DCDC1: variants seen among roughly 807,000 people sequenced by gnomAD.
DCDC1 encodes doublecortin domain-containing protein 1.
A neutral mutation model predicts 178.3 loss-of-function variants in DCDC1; 200 were observed. The ratio of observed to expected loss-of-function variants is 1.12; its 90% CI spans 1.00 to 1.26. The LOEUF is 1.26. Ranked by LOEUF, DCDC1 falls within the 50% of genes most tolerant of loss-of-function variation. DCDC1 has a pLI of 0.00. For synonymous variants in DCDC1, 690 were observed against 604.8 expected (o/e 1.14, Z -2.07); for missense variants, 1,983 against 1,749.2 (o/e 1.13, Z -2.38).
rs893943315 is a variant in DCDC1, at chr11:30,924,968, G to C, written c.2997+341C>G. Among the ~76,000 whole-genome samples, 7 of 152,116 alleles carry C rather than the reference G, an allele frequency of 4.6e-5. No homozygotes were observed. In the East Asian group the frequency reaches 1.4e-3, roughly 29 times the overall value. Reference sequence around the variant, plus strand: ...CATGCCTATAATCCCAGCTACTCTGGAGGCTGAGGTGGAAGAATTGCTTGA... The same window carrying C: ...CATGCCTATAATCCCAGCTACTCTGCAGGCTGAGGTGGAAGAATTGCTTGA... On this transcript the variant is annotated intron_variant, in intron 23 of 38. Coordinates refer to ENST00000684477, the MANE Select transcript of DCDC1 (RefSeq NM_001387274.1).
At chr11:31,164,479 G>C (rs1591278528) in intron 9 of DCDC1, among the ~76,000 whole-genome samples, 1 of 152,108 alleles carries the variant, frequency 6.6e-6, no homozygotes, top group African/African-American at 2.4e-5. Flanking sequence ...GTGGAAGACA[G>C]TGTTATTGAT....
At position 31,271,067 on chromosome 11, in the gene DCDC1, T is replaced by C. The variant is rs560394445; in HGVS notation, c.961-5467A>G. On this transcript the variant is annotated intron_variant, in intron 7 of 38. Coordinates refer to ENST00000684477, the MANE Select transcript of DCDC1 (RefSeq NM_001387274.1). ...ACTTTCCACAGAGTATTTCCAACCATCTCTAATCTGCTTACCTCTACCTAG... is the reference window on the plus strand; with the variant it reads ...ACTTTCCACAGAGTATTTCCAACCACCTCTAATCTGCTTACCTCTACCTAG... Among the ~76,000 whole-genome samples, 6 of 152,286 alleles carry C rather than the reference T, an allele frequency of 3.9e-5. No homozygotes were observed. The East Asian group carries it at 7.7e-4, about 20-fold the overall frequency.
intron 36 of DCDC1, among the ~76,000 whole-genome samples, chr11:30,884,134 G>C (rs997402927): frequency 5.5e-5 from 8 of 145,820 alleles, no homozygotes; most frequent in African/African-American, 2.1e-4. Context: ...CCTAGGCTCA[G>C]GTGATCCTTC....
At chr11:31,324,235 G>C (rs1164370243) in intron 3 of DCDC1, among the ~76,000 whole-genome samples, 1 of 151,276 alleles carries the variant, frequency 6.6e-6, no homozygotes. Flanking sequence ...AACTTCTAAA[G>C]AAGAAGAACA....
At chr11:31,120,907 T>G (rs1960697488) in intron 11 of DCDC1, among the ~76,000 whole-genome samples, 1 of 152,088 alleles carries the variant, frequency 6.6e-6, no homozygotes, top group African/African-American at 2.4e-5. Flanking sequence ...ATTGCTGACA[T>G]TTCCATGGGG....
intron 20 of DCDC1, among the ~76,000 whole-genome samples, chr11:31,032,291 G>A (rs1279765590): frequency 6.6e-6 from 1 of 152,114 alleles, no homozygotes; most frequent in Non-Finnish European, 1.5e-5. Context: ...TGAACAATTA[G>A]TTTCCATCAA....
intron 9 of DCDC1, among the ~76,000 whole-genome samples, chr11:31,217,239 T>G (rs1973700776): frequency 6.6e-6 from 1 of 152,194 alleles, no homozygotes; most frequent in African/African-American, 2.4e-5. Context: ...GTCTTTACTT[T>G]TGGTCTGTGC....
intron 9 of DCDC1, among the ~76,000 whole-genome samples, chr11:31,233,087 CA>C (rs145908518): frequency 0.26 from 32,365 of 122,534 alleles, 3,405 homozygotes; most frequent in East Asian, 0.33. Context: ...GACTTCATCT[CA>C]AAAAAAAAAA....
intron 9 of DCDC1, among the ~76,000 whole-genome samples, chr11:31,193,521 G>T (rs1970360718): frequency 6.6e-6 from 1 of 151,948 alleles, no homozygotes; most frequent in Non-Finnish European, 1.5e-5. Flanking sequence ...AAACACTTTT[G>T]GTCCCACTTC....
intron 8 of DCDC1, among the ~76,000 whole-genome samples, chr11:31,261,521 C>A (rs1428320959): frequency 6.6e-6 from 1 of 152,020 alleles, no homozygotes; most frequent in African/African-American, 2.4e-5. Flanking sequence ...AAAAATAATA[C>A]AAGTTTAAAA....
chr11:31,346,404 C>A (rs370326431), intron 1 of DCDC1, among the ~76,000 whole-genome samples: 1 of 136,906 alleles, frequency 7.3e-6, no homozygotes, highest in African/African-American at 2.8e-5. Flanking sequence ...GCGGAGATTG[C>A]GGTGAGCCAA....
intron 6 of DCDC1, among the ~76,000 whole-genome samples, chr11:31,297,502 T>G (rs757353051): frequency 3.3e-5 from 5 of 152,010 alleles, no homozygotes; most frequent in Non-Finnish European, 5.9e-5. Context: ...CGCACTACCG[T>G]GCCTGGCTAA....
At chr11:30,903,805 C>T (rs1285723777) in intron 31 of DCDC1, 122 bp from the exon 32 acceptor site, 2 of 877,614 alleles carry the variant, frequency 2.3e-6, no homozygotes, top group East Asian at 2.9e-5. Context: ...AAATAGAAAG[C>T]TGAATTACTA....
At chr11:30,960,181 A>G (rs1420700750) in intron 20 of DCDC1, among the ~76,000 whole-genome samples, 1 of 152,162 alleles carries the variant, frequency 6.6e-6, no homozygotes, top group African/African-American at 2.4e-5. Flanking sequence ...TAAATATATA[A>G]TAGAACAACT....
intron 7 of DCDC1, chr11:31,281,043 A>G (rs1946389041): frequency 2.0e-6 from 1 of 498,468 alleles, no homozygotes; most frequent in Non-Finnish European, 3.9e-6. Context: ...TAGACGTCCC[A>G]TTCTCCTTAA....
intron 1 of DCDC1, among the ~76,000 whole-genome samples, chr11:31,365,162 C>T (rs893114375): frequency 6.6e-6 from 1 of 152,056 alleles, no homozygotes; most frequent in Non-Finnish European, 1.5e-5. Flanking sequence ...TTGTAACTAA[C>T]GGAGTGTGGG....
intron 20 of DCDC1, among the ~76,000 whole-genome samples, chr11:31,048,599 A>G (rs1222211231): frequency 1.3e-5 from 2 of 152,170 alleles, no homozygotes; most frequent in Non-Finnish European, 1.5e-5. Flanking sequence ...CATGCCTGTA[A>G]TCCCAGCACT....
At chr11:30,902,912 C>G (rs746645769) in intron 32 of DCDC1, among the ~76,000 whole-genome samples, 9 of 152,164 alleles carry the variant, frequency 5.9e-5, no homozygotes, top group Non-Finnish European at 1.2e-4. Flanking sequence ...ATAAGACACA[C>G]AGCTATAAAC....
At chr11:31,093,694 G>A (rs1383971488) in intron 16 of DCDC1, among the ~76,000 whole-genome samples, 1 of 152,138 alleles carries the variant, frequency 6.6e-6, no homozygotes, top group African/African-American at 2.4e-5. Context: ...CCAGGCTCAG[G>A]AAAGCTGAGG....
Sources: gnomAD v4.1 joint callset for allele counts (sites outside exome capture counted in the v4.1 genomes callset) on GRCh38, gnomAD v4.1.1 for gene constraint, MANE v1.5 for transcripts, NCBI Gene and HGNC (gene_info 2026-07-23, HGNC 2026-07-21) for gene names.